Variants in TBL1XR1 observed in about 807,000 individuals in gnomAD.
The protein encoded by TBL1XR1 is F-box-like/WD repeat-containing protein TBL1XR1.
Under a neutral mutation model 66.9 loss-of-function variants are expected in TBL1XR1, and 5 were observed. The observed-to-expected ratio is 0.07, with a 90% confidence interval of 0.04 to 0.16. TBL1XR1 has a LOEUF of 0.16. Ranked by LOEUF, TBL1XR1 falls within the 10% of genes least tolerant of loss-of-function variation. The pLI is 1.00. For missense variants in TBL1XR1, 238 were observed against 623.2 expected (o/e 0.38, Z 6.58); for synonymous variants, 210 against 206.0 (o/e 1.02, Z -0.17).
chr3:177,112,003 A>C (rs1268834635), intron 1 of TBL1XR1, among the ~76,000 whole-genome samples: 1 of 147,350 alleles, frequency 6.8e-6, no homozygotes, highest in Non-Finnish European at 1.5e-5. Flanking sequence ...AAAAATAAGA[A>C]CTAGGCCCTG....
At chr3:177,146,412 G>A (rs949250819) in intron 1 of TBL1XR1, among the ~76,000 whole-genome samples, 15 of 150,808 alleles carry the variant, frequency 9.9e-5, no homozygotes, top group Non-Finnish European at 4.4e-5. Flanking sequence ...TCAGGCTCCC[G>A]AGTAGCTGGG....
chr3:177,128,378 T>C (rs935900307), intron 1 of TBL1XR1, among the ~76,000 whole-genome samples: 1 of 152,160 alleles, frequency 6.6e-6, no homozygotes, highest in African/African-American at 2.4e-5. Context: ...GCAAGCATCT[T>C]TTCTGCTTTT....
At chr3:177,047,011 G>A (rs1187056607) in intron 9 of TBL1XR1, among the ~76,000 whole-genome samples, 1 of 144,400 alleles carries the variant, frequency 6.9e-6, no homozygotes, top group Non-Finnish European at 1.6e-5. Context: ...ATTCACTGGT[G>A]AGACTAACTA....
At chr3:177,119,924 ATCC>A (rs1232364610) in intron 1 of TBL1XR1, among the ~76,000 whole-genome samples, 1 of 152,196 alleles carries the variant, frequency 6.6e-6, no homozygotes, top group African/African-American at 2.4e-5. Context: ...GAGTTGGGAT[ATCC>A]TCCTTTTTGC....
intron 4 of TBL1XR1, 132 bp downstream of exon 4, chr3:177,053,641 A>T: frequency 2.4e-6 from 2 of 822,426 alleles, no homozygotes; most frequent in Non-Finnish European, 3.8e-6. Context: ...CTACCACATT[A>T]GGGATGAACT....
At chr3:177,142,930 T>C (rs1729794949) in intron 1 of TBL1XR1, among the ~76,000 whole-genome samples, 1 of 152,198 alleles carries the variant, frequency 6.6e-6, no homozygotes, top group South Asian at 2.1e-4. Flanking sequence ...AAAGACAGCA[T>C]TCTGCCTTGT....
At chr3:177,156,520 C>T (rs202075758) in intron 1 of TBL1XR1, among the ~76,000 whole-genome samples, 6 of 48,028 alleles carry the variant, frequency 1.2e-4, no homozygotes, top group African/African-American at 3.7e-4. Flanking sequence ...TATATACATA[C>T]ACACACACAC....
intron 1 of TBL1XR1, among the ~76,000 whole-genome samples, chr3:177,135,987 T>C (rs1454251852): frequency 2.6e-5 from 4 of 152,054 alleles, no homozygotes; most frequent in African/African-American, 9.7e-5. Flanking sequence ...AACCAAGATC[T>C]ACTGGAATCC....
chr3:177,032,273 A>T (rs1156365277), intron 14 of TBL1XR1: 1 of 152,218 alleles, frequency 6.6e-6, no homozygotes, highest in Admixed American at 6.5e-5. Flanking sequence ...GCATGTATGA[A>T]GTAATTTAAA....
At chr3:177,138,583 C>A (rs1420210250) in intron 1 of TBL1XR1, among the ~76,000 whole-genome samples, 5 of 147,550 alleles carry the variant, frequency 3.4e-5, no homozygotes, top group South Asian at 4.4e-4. Context: ...CAGAGCAAGA[C>A]CCTGTCTGGG....
intron 3 of TBL1XR1, among the ~76,000 whole-genome samples, chr3:177,055,945 T>TA (rs2108510512): frequency 6.6e-6 from 1 of 152,280 alleles, no homozygotes; most frequent in East Asian, 1.9e-4. Context: ...TCACAACTAA[T>TA]AAATGAGAAA....
At chr3:177,180,671 A>G (rs1734714245) in intron 1 of TBL1XR1, among the ~76,000 whole-genome samples, 1 of 152,144 alleles carries the variant, frequency 6.6e-6, no homozygotes, top group Admixed American at 6.5e-5. Context: ...TGATAACAGA[A>G]TCAAATCTAC....
intron 2 of TBL1XR1, among the ~76,000 whole-genome samples, chr3:177,071,090 G>C (rs916799484): frequency 7.2e-6 from 1 of 138,028 alleles, no homozygotes; most frequent in African/African-American, 2.7e-5. Flanking sequence ...GAGTGTGGTG[G>C]TGCGATCTCG....
chr3:177,102,070 A>C (rs1284169854), intron 1 of TBL1XR1, among the ~76,000 whole-genome samples: 4 of 152,206 alleles, frequency 2.6e-5, no homozygotes, highest in Non-Finnish European at 4.4e-5. Context: ...AGAATGCTAA[A>C]TCAGATCATT....
chr3:177,162,970 T>C (rs1732402110), intron 1 of TBL1XR1, among the ~76,000 whole-genome samples: 1 of 152,230 alleles, frequency 6.6e-6, no homozygotes, highest in African/African-American at 2.4e-5. Flanking sequence ...ACAGCCTCTG[T>C]GAAGTCAGTC....
chr3:177,118,271 A>ATTC (rs1560195859), intron 1 of TBL1XR1, among the ~76,000 whole-genome samples: 23 of 151,984 alleles, frequency 1.5e-4, no homozygotes, highest in African/African-American at 3.9e-4. Flanking sequence ...TTCATTCATT[A>ATTC]ACTCATTTAA....
intron 2 of TBL1XR1, chr3:177,079,907 G>A (rs556981287): frequency 8.5e-5 from 13 of 152,116 alleles, no homozygotes; most frequent in African/African-American, 2.4e-4. Flanking sequence ...GACTGAGTCA[G>A]GAGACCTCTG....
At chr3:177,189,635 G>A (rs1735868752) in intron 1 of TBL1XR1, among the ~76,000 whole-genome samples, 1 of 107,036 alleles carries the variant, frequency 9.3e-6, no homozygotes, top group Non-Finnish European at 1.7e-5. Context: ...GGGAGACAGA[G>A]CAAGACTCCA....
intron 1 of TBL1XR1, among the ~76,000 whole-genome samples, chr3:177,127,431 T>C (rs1227674012): frequency 6.6e-6 from 1 of 152,218 alleles, no homozygotes; most frequent in Non-Finnish European, 1.5e-5. Context: ...GGACCTAATG[T>C]TATTTATCTC....
Sources: allele counts gnomAD v4.1 joint callset (sites outside exome capture counted in the v4.1 genomes callset), GRCh38; gene constraint gnomAD v4.1.1; transcripts MANE v1.5; gene names NCBI Gene and HGNC (gene_info 2026-07-23, HGNC 2026-07-21).